CDKAL1: variants seen among roughly 807,000 people sequenced by gnomAD.
CDKAL1 encodes threonylcarbamoyladenosine tRNA methylthiotransferase.
In CDKAL1, 32 loss-of-function variants were observed where a neutral mutation model predicts 68.2. That is an observed-to-expected ratio of 0.47 (90% CI 0.35 to 0.63). CDKAL1 has a LOEUF of 0.63. CDKAL1 is among the 30% of genes least tolerant of loss of function. The pLI is 0.00. For missense variants in CDKAL1, 606 were observed against 696.7 expected (o/e 0.87, Z 1.47); for synonymous variants, 234 against 244.3 (o/e 0.96, Z 0.39).
intron 4 of CDKAL1, among the ~76,000 whole-genome samples, chr6:20,550,232 C>T (rs1227004923): frequency 6.6e-6 from 1 of 152,164 alleles, no homozygotes; most frequent in Non-Finnish European, 1.5e-5. Context: ...CCTGCCTTGG[C>T]CTCCCAAAGT....
At chr6:20,952,832 G>T (rs1208529263) in intron 9 of CDKAL1, among the ~76,000 whole-genome samples, 3 of 152,196 alleles carry the variant, frequency 2.0e-5, no homozygotes, top group Non-Finnish European at 4.4e-5. Flanking sequence ...CCAGGGAAAA[G>T]GATGTCAGGC....
intron 5 of CDKAL1, among the ~76,000 whole-genome samples, chr6:20,721,650 T>C (rs1772365273): frequency 1.3e-5 from 2 of 151,920 alleles, no homozygotes; most frequent in African/African-American, 4.8e-5. Flanking sequence ...CTATTTTCCA[T>C]AGTGTCTGTA....
chr6:20,709,683 G>A (rs995995609), intron 5 of CDKAL1, among the ~76,000 whole-genome samples: 3 of 152,112 alleles, frequency 2.0e-5, no homozygotes, highest in African/African-American at 7.2e-5. Flanking sequence ...TTCAGAGTGG[G>A]TTAATTGAAC....
intron 7 of CDKAL1, among the ~76,000 whole-genome samples, chr6:20,777,306 A>G (rs1384023327): frequency 1.3e-5 from 2 of 152,300 alleles, no homozygotes; most frequent in East Asian, 3.9e-4. Context: ...TATTTTTCAC[A>G]TTTTCATTAT....
intron 13 of CDKAL1, among the ~76,000 whole-genome samples, chr6:21,154,448 C>CA (rs1776550097): frequency 6.6e-6 from 1 of 152,196 alleles, no homozygotes; most frequent in Non-Finnish European, 1.5e-5. Flanking sequence ...CTCCATATGT[C>CA]ATCATGTATT....
chr6:21,053,806 CATT>C (rs1467718778), intron 11 of CDKAL1, among the ~76,000 whole-genome samples: 2 of 152,092 alleles, frequency 1.3e-5, no homozygotes, highest in Non-Finnish European at 2.9e-5. Flanking sequence ...CCCATTGCAT[CATT>C]GTGTTGTCTT....
chr6:20,754,098 G>A (rs1774061616), intron 6 of CDKAL1, among the ~76,000 whole-genome samples: 2 of 151,996 alleles, frequency 1.3e-5, no homozygotes, highest in Admixed American at 6.6e-5. Flanking sequence ...TTCCCCCTTA[G>A]CCTCTCAAGT....
rs971869170 is a variant in CDKAL1 at position 20,732,039 on chromosome 6, A to G, written c.372-7480A>G. Reference sequence around the variant, plus strand: ...CATCTTCTCTCTTTTTTTAAACATTATTTTTTAATTAAAAAAATTTTTTTG... The same window carrying G: ...CATCTTCTCTCTTTTTTTAAACATTGTTTTTTAATTAAAAAAATTTTTTTG... On this transcript the variant is annotated intron_variant, in intron 5 of 15. Transcript: ENST00000274695. Among the ~76,000 whole-genome samples, 10 of 148,910 alleles carry G rather than the reference A, an allele frequency of 6.7e-5. No homozygotes were observed. The East Asian group carries it at 2.2e-3, about 33-fold the overall frequency.
chr6:20,939,849 C>T (rs1763889596), intron 9 of CDKAL1, among the ~76,000 whole-genome samples: 2 of 152,138 alleles, frequency 1.3e-5, no homozygotes, highest in African/African-American at 4.8e-5. Flanking sequence ...AAAAATATTT[C>T]TATTCCACCC....
intron 15 of CDKAL1, among the ~76,000 whole-genome samples, chr6:21,223,220 A>G (rs1288061927): frequency 6.6e-6 from 1 of 152,198 alleles, no homozygotes; most frequent in Non-Finnish European, 1.5e-5. Flanking sequence ...TCTCATTTGT[A>G]TGGAATTATC....
rs148342091 is a variant in CDKAL1 at position 20,858,650 on chromosome 6, A to G, written c.742+12472A>G. ...AGAAGAAGTGCTAAATCTGAATTGT[A>G]GTAGGAATCTGCAGTTCTTCCAGTA... On this transcript the variant is annotated intron_variant, in intron 9 of 15. Coordinates refer to ENST00000274695, the MANE Select transcript of CDKAL1 (RefSeq NM_017774.3). 4.5e-4 allele frequency among the ~76,000 whole-genome samples: 68 copies of G among 152,302 alleles called. No homozygotes were observed. The East Asian group carries it at 0.011, about 25-fold the overall frequency.
intron 2 of CDKAL1, among the ~76,000 whole-genome samples, chr6:20,543,690 C>T (rs1190887915): frequency 6.7e-6 from 1 of 149,846 alleles, no homozygotes; most frequent in Non-Finnish European, 1.5e-5. Flanking sequence ...AAGATTTTCT[C>T]CTGTGATTTT....
intron 11 of CDKAL1, among the ~76,000 whole-genome samples, chr6:21,054,405 T>C (rs1230724938): frequency 6.6e-6 from 1 of 152,112 alleles, no homozygotes; most frequent in African/African-American, 2.4e-5. Flanking sequence ...ACCAGCTTTT[T>C]TTTCTTCAAA....
chr6:20,548,826 G>T, intron 4 of CDKAL1, 121 bp downstream of exon 4: 1 of 537,278 alleles, frequency 1.9e-6, no homozygotes, highest in Non-Finnish European at 3.3e-6. Context: ...GAAACAGATA[G>T]TTATTACACA....
intron 4 of CDKAL1, among the ~76,000 whole-genome samples, chr6:20,554,701 C>T (rs1030555507): frequency 6.6e-6 from 1 of 152,204 alleles, no homozygotes; most frequent in African/African-American, 2.4e-5. Flanking sequence ...TAACCACTCC[C>T]TAGCCTGATA....
chr6:20,757,640 A>C (rs1292321364), intron 6 of CDKAL1, among the ~76,000 whole-genome samples: 1 of 152,198 alleles, frequency 6.6e-6, no homozygotes, highest in Non-Finnish European at 1.5e-5. Context: ...GATGCCAGAA[A>C]ATGTCATGGT....
intron 8 of CDKAL1, among the ~76,000 whole-genome samples, chr6:20,837,937 T>TGTGTGTG (rs1778015258): frequency 8.1e-6 from 1 of 123,176 alleles, no homozygotes; most frequent in Non-Finnish European, 1.7e-5. Context: ...TGGGAAGAAA[T>TGTGTGTG]TGTGTGTGTG....
At position 20,790,465 on chromosome 6, in the gene CDKAL1, G is replaced by A. The variant is rs759083609; in HGVS notation, c.638+9200G>A. Among the ~76,000 whole-genome samples, 15 of 152,106 alleles carry A rather than the reference G, an allele frequency of 9.9e-5. No individual in the cohort carries two copies. In the East Asian group the frequency reaches 1.9e-3, roughly 20 times the overall value. On this transcript the variant is annotated intron_variant, in intron 8 of 15. Coordinates refer to ENST00000274695, the MANE Select transcript of CDKAL1 (RefSeq NM_017774.3). ...TGGTGTTTTGAATAAGGGAATGGTCGGAGAAAGGTAGCTTGAGAATGCTTG... is the reference window on the plus strand; with the variant it reads ...TGGTGTTTTGAATAAGGGAATGGTCAGAGAAAGGTAGCTTGAGAATGCTTG...
intron 9 of CDKAL1, among the ~76,000 whole-genome samples, chr6:20,872,966 G>C: frequency 6.6e-6 from 1 of 152,128 alleles, no homozygotes; most frequent in East Asian, 1.9e-4. Context: ...AATGGAACTA[G>C]AGATCAAAAA....
Sources: allele counts gnomAD v4.1 joint callset (sites outside exome capture counted in the v4.1 genomes callset), GRCh38; gene constraint gnomAD v4.1.1; transcripts MANE v1.5; gene names NCBI Gene and HGNC (gene_info 2026-07-23, HGNC 2026-07-21).